The following TAF4B variants were observed in gnomAD, a reference collection of about 807,000 sequenced individuals.
The protein encoded by TAF4B is TATA-box binding protein associated factor 4b.
In TAF4B, 38 loss-of-function variants were observed where a neutral mutation model predicts 86.4. That is an observed-to-expected ratio of 0.44 (90% CI 0.34 to 0.58). TAF4B has a LOEUF of 0.58. TAF4B is among the 20% of genes least tolerant of loss of function. TAF4B has a pLI of 0.02. For missense variants in TAF4B, 988 were observed against 1,027.6 expected (o/e 0.96, Z 0.53); for synonymous variants, 388 against 391.2 (o/e 0.99, Z 0.10).
At chr18:26,261,475 C>T (rs2056166842) in intron 1 of TAF4B, among the ~76,000 whole-genome samples, 1 of 152,332 alleles carries the variant, frequency 6.6e-6, no homozygotes, top group Admixed American at 6.5e-5. Flanking sequence ...GCTGGGATTA[C>T]AGGCGTGAGC....
At position 26,285,222 on chromosome 18, in the gene TAF4B, G is replaced by GTTTTTGTTTTTTTTTTTTTTTTTTT; in HGVS notation, c.973-655_973-654insGTTTTTTTTTTTTTTTTTTTTTTTT. Reference sequence around the variant, plus strand: ...ATTTCTTCCTTTCCTTTTTTTTTTTGTTTTTTTTTTTTTTGGAGATGGGGT... The same window carrying GTTTTTGTTTTTTTTTTTTTTTTTTT: ...ATTTCTTCCTTTCCTTTTTTTTTTTGTTTTTGTTTTTTTTTTTTTTTTTTTTTTTTTTTTTTTTTGGAGATGGGGT... On this transcript the variant is annotated intron_variant, in intron 6 of 14. Coordinates refer to ENST00000269142, the MANE Select transcript of TAF4B (RefSeq NM_005640.3). 8.8e-4 allele frequency among the ~76,000 whole-genome samples: 40 copies of GTTTTTGTTTTTTTTTTTTTTTTTTT among 45,692 alleles called. 2 individuals are homozygous for GTTTTTGTTTTTTTTTTTTTTTTTTT. The highest frequency in any genetic ancestry group is 1.5e-3 in the Admixed American group (5 of 3,232). The allele number at this position is 45,692 out of a possible 152,430, so 30.0% of individuals were successfully genotyped here.
intron 12 of TAF4B, among the ~76,000 whole-genome samples, chr18:26,329,461 T>C (rs1312671627): frequency 6.6e-6 from 1 of 152,220 alleles, no homozygotes; most frequent in Admixed American, 6.5e-5. Context: ...CAGCACCCAT[T>C]CTGATTTCAC....
At chr18:26,347,436 A>G (rs776108999) in intron 13 of TAF4B, among the ~76,000 whole-genome samples, 4 of 152,184 alleles carry the variant, frequency 2.6e-5, no homozygotes, top group Admixed American at 6.5e-5. Flanking sequence ...CAGAAAAGAG[A>G]AATAGAAAGG....
intron 9 of TAF4B, among the ~76,000 whole-genome samples, chr18:26,300,628 A>C (rs2056721148): frequency 6.6e-6 from 1 of 151,952 alleles, no homozygotes; most frequent in Admixed American, 6.6e-5. Flanking sequence ...AATTTTATTA[A>C]ATTTATTGAG....
intron 13 of TAF4B, among the ~76,000 whole-genome samples, chr18:26,352,052 G>T (rs752096214): frequency 1.3e-5 from 2 of 152,028 alleles, no homozygotes; most frequent in Non-Finnish European, 2.9e-5. Context: ...ACTACAAAAT[G>T]CAGTAGATAA....
At chr18:26,361,327 G>A (rs1181882147) in intron 14 of TAF4B, among the ~76,000 whole-genome samples, 1 of 133,660 alleles carries the variant, frequency 7.5e-6, no homozygotes, top group African/African-American at 2.8e-5. Flanking sequence ...GTCTCACTAT[G>A]TTGCCCAGGC....
At position 26,386,149 on chromosome 18, in the gene TAF4B, A is replaced by T. The variant is rs186339403; in HGVS notation, c.2422-3696A>T. Among the ~76,000 whole-genome samples the T allele has an allele frequency of 4.6e-5, 7 of 152,258 alleles. No individual in the cohort carries two copies. In the East Asian group the frequency reaches 1.4e-3, roughly 29 times the overall value. ...TCCCTTGGGGTTTTTTTCATTTATAACATTGCCTCAGGCTCTCTGCTGCAT... is the reference window on the plus strand; with the variant it reads ...TCCCTTGGGGTTTTTTTCATTTATATCATTGCCTCAGGCTCTCTGCTGCAT... On this transcript the variant is annotated intron_variant, in intron 14 of 14. Transcript: ENST00000269142.
rs575343545 is a variant in TAF4B at position 26,244,168 on chromosome 18, C to G, written c.343+16892C>G. ...GCCTTTTGTTCAGTTATGCCCTGCC[C>G]CCAGAGGTGGAGTCTACAGAGACAG... On this transcript the variant is annotated intron_variant, in intron 1 of 14. Coordinates refer to ENST00000269142, the MANE Select transcript of TAF4B (RefSeq NM_005640.3). Among the ~76,000 whole-genome samples, 3 of 152,356 alleles carry G rather than the reference C, an allele frequency of 2.0e-5. No individual in the cohort carries two copies. In the East Asian group the frequency reaches 5.8e-4, roughly 29 times the overall value.
At chr18:26,366,002 A>G (rs1051213470) in intron 14 of TAF4B, among the ~76,000 whole-genome samples, 3 of 152,076 alleles carry the variant, frequency 2.0e-5, no homozygotes, top group African/African-American at 7.2e-5. Flanking sequence ...TGTTACCCAG[A>G]TTGGTCTCAA....
chr18:26,330,101 G>A (rs572840640), intron 12 of TAF4B, among the ~76,000 whole-genome samples: 37 of 151,774 alleles, frequency 2.4e-4, no homozygotes, highest in Non-Finnish European at 4.7e-4. Flanking sequence ...TCAAACCTCC[G>A]TGTGTTAACC....
At chr18:26,259,069 G>A (rs1469171723) in intron 1 of TAF4B, among the ~76,000 whole-genome samples, 1 of 151,798 alleles carries the variant, frequency 6.6e-6, no homozygotes, top group Non-Finnish European at 1.5e-5. Context: ...GTCTTGGCGT[G>A]GGGATCTCTT....
intron 9 of TAF4B, among the ~76,000 whole-genome samples, chr18:26,303,213 CCCCTCCACTTTCATACT>C (rs1425008343): frequency 1.1e-4 from 7 of 62,026 alleles, no homozygotes; most frequent in Non-Finnish European, 2.3e-4. Flanking sequence ...ACTTTCATAC[CCCCTCCACTTTCATACT>C]CCCTCCACTT....
intron 10 of TAF4B, 67 bp from the exon 11 acceptor site, chr18:26,321,003 G>A: frequency 1.3e-6 from 2 of 1,587,254 alleles, no homozygotes; most frequent in African/African-American, 1.3e-5. Context: ...CAGAATACCT[G>A]CTGTGCTAAT....
chr18:26,280,186 A>G lies in TAF4B; in HGVS notation c.883-1785A>G, dbSNP rs552796180. On this transcript the variant is annotated intron_variant, in intron 5 of 14. Coordinates refer to ENST00000269142, the MANE Select transcript of TAF4B (RefSeq NM_005640.3). ...AACTTGAGATGGATTAAAGATTTAAATGTAAGACCTCAAACTGTAAAAGTC... is the reference window on the plus strand; with the variant it reads ...AACTTGAGATGGATTAAAGATTTAAGTGTAAGACCTCAAACTGTAAAAGTC... 1.3e-3 allele frequency among the ~76,000 whole-genome samples: 202 copies of G among 152,326 alleles called. 1 individual carries two copies. Among genetic ancestry groups the G allele is most frequent in the Non-Finnish European group, 1.8e-3 (120 of 68,028 alleles).
chr18:26,316,943 T>A (rs1318115914), intron 10 of TAF4B, among the ~76,000 whole-genome samples: 2 of 152,148 alleles, frequency 1.3e-5, no homozygotes, highest in Non-Finnish European at 2.9e-5. Context: ...ATTGGTAGCT[T>A]AACTCCTTAT....
chr18:26,336,519 G>A (rs888762137), intron 13 of TAF4B, among the ~76,000 whole-genome samples: 2 of 152,128 alleles, frequency 1.3e-5, no homozygotes, highest in African/African-American at 4.8e-5. Context: ...GATTGGGACA[G>A]GGAACGATGG....
At chr18:26,280,221 A>G (rs1180538796) in intron 5 of TAF4B, among the ~76,000 whole-genome samples, 1 of 152,160 alleles carries the variant, frequency 6.6e-6, no homozygotes, top group Non-Finnish European at 1.5e-5. Flanking sequence ...CCTAGAAGAA[A>G]ACCCAGGAAA....
chr18:26,351,913 T>C (rs73395961), intron 13 of TAF4B, among the ~76,000 whole-genome samples: 14 of 152,214 alleles, frequency 9.2e-5, no homozygotes, highest in African/African-American at 3.4e-4. Flanking sequence ...AAGAGCCATA[T>C]ATATGGCCAA....
chr18:26,240,539 A>G (rs1327817493), intron 1 of TAF4B, among the ~76,000 whole-genome samples: 1 of 152,212 alleles, frequency 6.6e-6, no homozygotes, highest in African/African-American at 2.4e-5. Flanking sequence ...AACAGGGACA[A>G]TTTGACTTCC....
Sources: allele counts gnomAD v4.1 joint callset (sites outside exome capture counted in the v4.1 genomes callset), GRCh38; gene constraint gnomAD v4.1.1; transcripts MANE v1.5; gene names NCBI Gene and HGNC (gene_info 2026-07-23, HGNC 2026-07-21).